ABTB3: variants seen among roughly 807,000 people sequenced by gnomAD.
ABTB3 encodes ankyrin repeat and BTB domain containing 3, also known as ankyrin repeat- and BTB/POZ domain-containing protein 3.
chr12:107,647,889 C>T, the ABTB3 span, among the ~76,000 whole-genome samples: 1 of 152,184 alleles, frequency 6.6e-6, no homozygotes, highest in Non-Finnish European at 1.5e-5. Flanking sequence ...GAAACTGAGG[C>T]AGCCCAATTC....
At chr12:107,651,549 G>A in the ABTB3 span, 46 of 553,210 alleles carry the variant, frequency 8.3e-5, no homozygotes, top group Middle Eastern at 2.8e-4. Context: ...ATCATTTCCC[G>A]TCCCCTACCT....
At chr12:107,515,064 G>GTCATTACTATCA in the ABTB3 span, among the ~76,000 whole-genome samples, 1 of 152,150 alleles carries the variant, frequency 6.6e-6, no homozygotes, top group African/African-American at 2.4e-5. Flanking sequence ...GGAAAACAAG[G>GTCATTACTATCA]TCATTACTAT....
chr12:107,472,326 G>A, the ABTB3 span, among the ~76,000 whole-genome samples: 5 of 152,138 alleles, frequency 3.3e-5, no homozygotes, highest in East Asian at 5.8e-4. Flanking sequence ...CTTATAAATC[G>A]GCAAACGGAA....
chr12:107,341,634 C>T, the ABTB3 span, among the ~76,000 whole-genome samples: 2 of 152,150 alleles, frequency 1.3e-5, no homozygotes, highest in Non-Finnish European at 2.9e-5. Context: ...TCAGTGGATG[C>T]TACTCAGTGG....
At chr12:107,539,793 A>G in the ABTB3 span, among the ~76,000 whole-genome samples, 59,239 of 151,978 alleles carry the variant, frequency 0.39, 12,121 homozygotes, top group East Asian at 0.67. Context: ...ATTATTCCTC[A>G]CCTGAGAGGT....
At chr12:107,438,984 T>C in the ABTB3 span, among the ~76,000 whole-genome samples, 2 of 152,188 alleles carry the variant, frequency 1.3e-5, no homozygotes, top group Non-Finnish European at 2.9e-5. Context: ...CAAATGGTAA[T>C]GTGTTCTGCA....
At chr12:107,320,615 A>G in the ABTB3 span, 1 of 456,112 alleles carries the variant, frequency 2.2e-6, no homozygotes. Context: ...GAAAGCTTGC[A>G]CGGCCTAGAC....
At chr12:107,473,818 T>C in the ABTB3 span, among the ~76,000 whole-genome samples, 2 of 151,832 alleles carry the variant, frequency 1.3e-5, no homozygotes, top group African/African-American at 4.8e-5. Context: ...TTTTTTTTTT[T>C]TGAGACGGAG....
the ABTB3 span, among the ~76,000 whole-genome samples, chr12:107,369,717 T>G: frequency 1.7e-3 from 256 of 146,832 alleles, 1 homozygote; most frequent in African/African-American, 5.9e-3. Context: ...GTTTTTTTTT[T>G]TTTTTTTTTT....
chr12:107,601,603 C>T, the ABTB3 span, among the ~76,000 whole-genome samples: 10 of 152,268 alleles, frequency 6.6e-5, no homozygotes, highest in South Asian at 1.5e-3. Context: ...AGAACTGGGC[C>T]ATGCAGAGTG....
At chr12:107,377,616 T>C in the ABTB3 span, among the ~76,000 whole-genome samples, 4 of 152,206 alleles carry the variant, frequency 2.6e-5, no homozygotes, top group Non-Finnish European at 5.9e-5. Context: ...CTCCTCATTG[T>C]GGTTCTGAGT....
chr12:107,463,947 C>T, the ABTB3 span, among the ~76,000 whole-genome samples: 1 of 152,200 alleles, frequency 6.6e-6, no homozygotes, highest in African/African-American at 2.4e-5. Context: ...CTGCCCTCAT[C>T]TCTCTGGGCC....
chr12:107,507,112 C>T, the ABTB3 span, among the ~76,000 whole-genome samples: 2 of 152,008 alleles, frequency 1.3e-5, no homozygotes, highest in Non-Finnish European at 2.9e-5. Context: ...CACATTATCT[C>T]AACATGTTGA....
At chr12:107,636,615 T>C in the ABTB3 span, among the ~76,000 whole-genome samples, 2 of 152,238 alleles carry the variant, frequency 1.3e-5, no homozygotes, top group Admixed American at 1.3e-4. Flanking sequence ...TTTGCTGAAA[T>C]GGAAAATTTT....
At chr12:107,432,219 G>T in the ABTB3 span, among the ~76,000 whole-genome samples, 5 of 152,200 alleles carry the variant, frequency 3.3e-5, no homozygotes, top group Non-Finnish European at 5.9e-5. Flanking sequence ...GTAGCCAGGT[G>T]ATACTGACAG....
At chr12:107,523,199 C>T in the ABTB3 span, among the ~76,000 whole-genome samples, 555 of 152,330 alleles carry the variant, frequency 3.6e-3, 2 homozygotes, top group African/African-American at 0.013. Flanking sequence ...CTCCATTAAA[C>T]TTACGGCCTG....
the ABTB3 span, among the ~76,000 whole-genome samples, chr12:107,355,982 T>C: frequency 6.6e-6 from 1 of 152,246 alleles, no homozygotes; most frequent in Non-Finnish European, 1.5e-5. Context: ...TAATATTTCT[T>C]GCTCAGCAAA....
chr12:107,591,357 AG>A, the ABTB3 span, among the ~76,000 whole-genome samples: 1 of 152,228 alleles, frequency 6.6e-6, no homozygotes, highest in South Asian at 2.1e-4. Context: ...CAGTCTGTAC[AG>A]GAAGCATGGC....
the ABTB3 span, among the ~76,000 whole-genome samples, chr12:107,609,265 C>T: frequency 6.6e-6 from 1 of 152,252 alleles, no homozygotes; most frequent in African/African-American, 2.4e-5. Flanking sequence ...TAGAAGAGAG[C>T]TTAGCACAAA....
Sources: gnomAD v4.1 joint callset for allele counts (sites outside exome capture counted in the v4.1 genomes callset) on GRCh38, gnomAD v4.1.1 for gene constraint, MANE v1.5 for transcripts, NCBI Gene and HGNC (gene_info 2026-07-23, HGNC 2026-07-21) for gene names.